Variants in DCX observed in about 807,000 individuals in gnomAD.
DCX encodes the protein neuronal migration protein doublecortin.
A neutral mutation model predicts 20.9 loss-of-function variants in DCX; 4 were observed. That is an observed-to-expected ratio of 0.19 (90% confidence interval 0.09 to 0.44). The LOEUF is 0.44. DCX is among the 20% of genes least tolerant of loss of function. DCX has a pLI of 0.99. For missense variants in DCX, 133 were observed against 296.9 expected, an observed-to-expected ratio of 0.45 and a Z score of 4.06; for synonymous variants, 103 against 111.4, an observed-to-expected ratio of 0.92 and a Z score of 0.47.
chrX:111,342,201 CA>C (rs775762991), intron 3 of DCX, among the ~76,000 whole-genome samples: 2,257 of 24,209 alleles, frequency 0.093, 112 homozygotes, highest in African/African-American at 0.24. Flanking sequence ...AAAAGGAAAG[CA>C]AAAAAAAAAA....
At chrX:111,386,548 T>C (rs960215208) in intron 3 of DCX, among the ~76,000 whole-genome samples, 1 of 111,300 alleles carries the variant, frequency 9.0e-6, no homozygotes, top group Non-Finnish European at 1.9e-5. Context: ...GGAAACAGAC[T>C]CTTCAGCAGT....
At chrX:111,401,745 C>T (rs184279496) in intron 2 of DCX, among the ~76,000 whole-genome samples, 2 of 109,935 alleles carry the variant, frequency 1.8e-5, no homozygotes, top group African/African-American at 6.8e-5. Context: ...TATTTTTGGA[C>T]TCAAAGTCCC....
intron 6 of DCX, 127 bp from the exon 7 acceptor site, chrX:111,301,870 G>C: frequency 1.5e-6 from 1 of 664,515 alleles, no homozygotes; most frequent in Non-Finnish European, 2.3e-6. Flanking sequence ...TTCACAGGAA[G>C]TTGAAAAAAT....
At chrX:111,324,815 C>T (rs2095095756) in intron 5 of DCX, among the ~76,000 whole-genome samples, 1 of 111,808 alleles carries the variant, frequency 8.9e-6, no homozygotes, top group African/African-American at 3.3e-5. Context: ...CCTAGCACTA[C>T]TAAGTACTTT....
intron 3 of DCX, among the ~76,000 whole-genome samples, chrX:111,391,759 T>C (rs1926971661): frequency 9.0e-6 from 1 of 111,546 alleles, no homozygotes; most frequent in Admixed American, 9.5e-5. Flanking sequence ...ACTGGGCTAA[T>C]GATGAAGACC....
Position 111,301,433 on chromosome X carries a change from T to C in DCX, c.*254A>G, listed in dbSNP as rs1044451232. 1 of 420,868 alleles carries C rather than the reference T, an allele frequency of 2.4e-6. No homozygotes were observed. Among genetic ancestry groups the C allele is most frequent in the African/African-American group, 2.5e-5 (1 of 40,044 alleles). The allele number at this position is 420,868 out of a possible 1,213,427, so 34.7% of individuals were successfully genotyped here. A position where few individuals can be genotyped will look rare whatever the true frequency, so the allele number is the denominator to read the frequency against. Reference sequence around the variant, plus strand: ...TGAAAGGTCATGGACTAGCACATTTTGCATCCCTGGAATGCTGCCCCAAAG... The same window carrying C: ...TGAAAGGTCATGGACTAGCACATTTCGCATCCCTGGAATGCTGCCCCAAAG... On this transcript the variant is annotated 3_prime_UTR_variant, in exon 7 of 7. Transcript: ENST00000636035.
At chrX:111,398,433 A>C (rs1388939362) in intron 3 of DCX, among the ~76,000 whole-genome samples, 7 of 111,340 alleles carry the variant, frequency 6.3e-5, no homozygotes, top group African/African-American at 2.3e-4. Context: ...ACCAGGTCTT[A>C]TAAGATGACC....
chrX:111,323,136 C>G (rs1304626458), intron 5 of DCX, among the ~76,000 whole-genome samples: 1 of 111,606 alleles, frequency 9.0e-6, no homozygotes, highest in African/African-American at 3.3e-5. Flanking sequence ...ACGCTGACTG[C>G]TGGTTTTCCT....
At chrX:111,333,494 G>A (rs938576425) in intron 3 of DCX, among the ~76,000 whole-genome samples, 2 of 111,447 alleles carry the variant, frequency 1.8e-5, no homozygotes, top group Non-Finnish European at 3.8e-5. Context: ...CTCAAAGACG[G>A]GAAGCTCCTG....
chrX:111,330,135 C>G (rs906383206), intron 5 of DCX, among the ~76,000 whole-genome samples: 4 of 112,043 alleles, frequency 3.6e-5, no homozygotes, highest in African/African-American at 1.3e-4. Context: ...CAACATACTG[C>G]TGCCTTCATC....
rs559216292 is a variant in DCX at position 111,377,872 on chromosome X, A to G, written c.705+23118T>C. On this transcript the variant is annotated intron_variant, in intron 3 of 6. Transcript: ENST00000636035. The stretch of plus-strand genomic sequence containing the variant: ...CACTAGAAACACTTGTCTTCATAAT[A>G]TAACTGTGGAAACTAAGGCACAAAG... Among the ~76,000 whole-genome samples, 8 of 110,575 alleles carry G rather than the reference A, an allele frequency of 7.2e-5. No individual in the cohort carries two copies. The East Asian group carries it at 2.3e-3, about 32-fold the overall frequency.
At chrX:111,315,150 G>A (rs188401383) in intron 5 of DCX, among the ~76,000 whole-genome samples, 17 of 109,037 alleles carry the variant, frequency 1.6e-4, no homozygotes, top group Admixed American at 1.4e-3. Flanking sequence ...AAGGTGTAAG[G>A]AAGGGATCCA....
At chrX:111,362,033 G>A (rs1924251595) in intron 3 of DCX, among the ~76,000 whole-genome samples, 1 of 111,107 alleles carries the variant, frequency 9.0e-6, no homozygotes, top group African/African-American at 3.3e-5. Context: ...CATATGAGAG[G>A]GACTGGGGAT....
At chrX:111,331,176 T>C (rs766972629) in intron 4 of DCX, 135 bp from the exon 5 acceptor site, 274 of 749,212 alleles carry the variant, frequency 3.7e-4, no homozygotes, top group Non-Finnish European at 5.3e-4. Flanking sequence ...TCCTTATTAT[T>C]AGTAGGAGCC....
At chrX:111,407,724 C>T (rs1928308676) in intron 2 of DCX, among the ~76,000 whole-genome samples, 1 of 109,459 alleles carries the variant, frequency 9.1e-6, no homozygotes, top group South Asian at 4.1e-4. Flanking sequence ...TAGAAAGCTG[C>T]AGTCTTTTCA....
chrX:111,355,947 G>A (rs746113134), intron 3 of DCX, among the ~76,000 whole-genome samples: 24 of 111,861 alleles, frequency 2.1e-4, no homozygotes, highest in East Asian at 2.0e-3. Context: ...TGAAAGGTCC[G>A]AGTGAAAGAG....
chrX:111,410,715 A>G (rs747228534), intron 1 of DCX: 34 of 1,156,316 alleles, frequency 2.9e-5, no homozygotes, highest in Non-Finnish European at 4.0e-5. Context: ...ACAGAGGAGA[A>G]GGGGAGATTT....
intron 2 of DCX, among the ~76,000 whole-genome samples, chrX:111,408,679 AAAGAAAGAAAGAAAGG>A (rs992336412): frequency 5.5e-5 from 6 of 108,773 alleles, no homozygotes; most frequent in African/African-American, 1.4e-4. Context: ...AGAAAGAAAG[AAAGAAAGAAAGAAAGG>A]AAGGAAGTCG....
In DCX at chrX:111,390,325, T is replaced by C. The variant is rs756389608; in HGVS notation, c.705+10665A>G. Among the ~76,000 whole-genome samples the C allele has an allele frequency of 4.5e-5, 5 of 112,154 alleles. No homozygotes were observed. In the South Asian group the frequency reaches 1.9e-3, roughly 42 times the overall value. On this transcript the variant is annotated intron_variant, in intron 3 of 6. Transcript: ENST00000636035. ...AGCCTATCTTATCTGACACCTTGACTTCAGCCTTGTGAGGTCTTAAACAGA... is the reference window on the plus strand; with the variant it reads ...AGCCTATCTTATCTGACACCTTGACCTCAGCCTTGTGAGGTCTTAAACAGA...
Sources: gnomAD v4.1 joint callset for allele counts (sites outside exome capture counted in the v4.1 genomes callset) on GRCh38, gnomAD v4.1.1 for gene constraint, MANE v1.5 for transcripts, NCBI Gene and HGNC (gene_info 2026-07-23, HGNC 2026-07-21) for gene names.